PLGRKT: variants seen among roughly 807,000 people sequenced by gnomAD.
PLGRKT encodes plasminogen receptor (KT).
PLGRKT carries 22 observed loss-of-function variants against 18.5 expected under a neutral mutation model. That is an observed-to-expected ratio of 1.19 (90% CI 0.85 to 1.70). The LOEUF is 1.70. Ranked by LOEUF, PLGRKT falls within the 40% of genes most tolerant of loss-of-function variation. PLGRKT has a pLI of 0.00. For missense variants in PLGRKT, 235 were observed against 174.4 expected (o/e 1.35, Z -1.96); for synonymous variants, 72 against 52.8 (o/e 1.36, Z -1.58).
At chr9:5,430,142 T>C (rs1376320191) in intron 3 of PLGRKT, among the ~76,000 whole-genome samples, 1 of 152,216 alleles carries the variant, frequency 6.6e-6, no homozygotes, top group Non-Finnish European at 1.5e-5. Flanking sequence ...ACGCTCATGC[T>C]GTTTGCTGTG....
At chr9:5,374,736 A>G (rs1451751067) in intron 3 of PLGRKT, among the ~76,000 whole-genome samples, 1 of 152,222 alleles carries the variant, frequency 6.6e-6, no homozygotes, top group Non-Finnish European at 1.5e-5. Context: ...ATTTTAATAT[A>G]AAAACAAAAG....
chr9:5,368,200 T>A, intron 3 of PLGRKT, among the ~76,000 whole-genome samples: 1 of 152,130 alleles, frequency 6.6e-6, no homozygotes, highest in Admixed American at 6.5e-5. Flanking sequence ...TAAAACAGAA[T>A]GACCATTTGA....
At chr9:5,426,877 T>C (rs1818711975) in intron 3 of PLGRKT, among the ~76,000 whole-genome samples, 1 of 152,152 alleles carries the variant, frequency 6.6e-6, no homozygotes, top group Admixed American at 6.6e-5. Flanking sequence ...ACCCAAAGCA[T>C]CCATCCCAGC....
intron 3 of PLGRKT, among the ~76,000 whole-genome samples, chr9:5,372,012 C>T (rs1034486480): frequency 3.7e-5 from 1 of 26,712 alleles, no homozygotes. Flanking sequence ...TATGGAGTCT[C>T]GCTCTGTCTC....
chr9:5,410,308 A>C (rs541675307), intron 3 of PLGRKT, among the ~76,000 whole-genome samples: 1 of 152,158 alleles, frequency 6.6e-6, no homozygotes, highest in African/African-American at 2.4e-5. Context: ...GGCTGAGTCA[A>C]GTGGATCACT....
rs900983538 is a variant in PLGRKT at position 5,436,706 on chromosome 9, T to C, written c.-132-12A>G. 1 of 152,166 alleles carries C rather than the reference T, an allele frequency of 6.6e-6. No individual in the cohort carries two copies. The highest frequency in any genetic ancestry group is 1.5e-5 in the Non-Finnish European group (1 of 68,022). The allele number at this position is 152,166 out of a possible 1,614,324, so 9.4% of individuals were successfully genotyped here. A position where few individuals can be genotyped will look rare whatever the true frequency, so the allele number is the denominator to read the frequency against. On this transcript the variant is annotated splice_polypyrimidine_tract_variant and intron_variant, in intron 1 of 5. Transcript: ENST00000223864. ...ATGGGAAACCACACCTGAGAATAAA[T>C]AAATGCATCACACCTTGTAAATTTC... is the stretch of plus-strand genomic sequence containing the variant.
intron 3 of PLGRKT, among the ~76,000 whole-genome samples, chr9:5,429,270 T>G (rs143280679): frequency 7.2e-5 from 11 of 152,056 alleles, no homozygotes; most frequent in Admixed American, 3.9e-4. Context: ...AATAGAAACA[T>G]AGAAGCCCAG....
At chr9:5,413,527 G>T (rs1482968890) in intron 3 of PLGRKT, among the ~76,000 whole-genome samples, 3 of 152,192 alleles carry the variant, frequency 2.0e-5, no homozygotes, top group South Asian at 2.1e-4. Context: ...GAATTAGAGA[G>T]AAATGAAGAT....
At chr9:5,379,502 G>T (rs958629723) in intron 3 of PLGRKT, among the ~76,000 whole-genome samples, 3 of 150,508 alleles carry the variant, frequency 2.0e-5, no homozygotes, top group African/African-American at 7.3e-5. Flanking sequence ...GAGTGGATAT[G>T]TGTGTGTGTG....
At chr9:5,359,444 AT>A (rs923566372) in intron 5 of PLGRKT, among the ~76,000 whole-genome samples, 14 of 152,096 alleles carry the variant, frequency 9.2e-5, no homozygotes, top group South Asian at 4.2e-4. Flanking sequence ...CAAATGTCTT[AT>A]TTTTTTTACC....
At chr9:5,391,869 T>G (rs1427135549) in intron 3 of PLGRKT, among the ~76,000 whole-genome samples, 1 of 151,918 alleles carries the variant, frequency 6.6e-6, no homozygotes, top group Non-Finnish European at 1.5e-5. Context: ...GCAGGTAATT[T>G]AGACGCACCT....
intron 3 of PLGRKT, among the ~76,000 whole-genome samples, chr9:5,414,397 A>T (rs2131149535): frequency 6.6e-6 from 1 of 152,020 alleles, no homozygotes; most frequent in East Asian, 1.9e-4. Flanking sequence ...CAAATTCCTG[A>T]CTCCAGGTGA....
chr9:5,401,775 G>A (rs1441388599), intron 3 of PLGRKT, among the ~76,000 whole-genome samples: 3 of 151,894 alleles, frequency 2.0e-5, no homozygotes, highest in African/African-American at 7.3e-5. Flanking sequence ...CTTTAAGGTT[G>A]TAATATCTAT....
chr9:5,395,940 C>T (rs1449570767), intron 3 of PLGRKT, among the ~76,000 whole-genome samples: 1 of 144,472 alleles, frequency 6.9e-6, no homozygotes, highest in African/African-American at 2.6e-5. Flanking sequence ...GTTGCCCAGA[C>T]TGGCGTGAGG....
At chr9:5,399,882 T>G (rs1467023668) in intron 3 of PLGRKT, among the ~76,000 whole-genome samples, 1 of 151,420 alleles carries the variant, frequency 6.6e-6, no homozygotes, top group East Asian at 1.9e-4. Context: ...TCCCAGCTAC[T>G]CAGGAAGCTG....
chr9:5,432,567 G>A (rs1044575286), intron 2 of PLGRKT, among the ~76,000 whole-genome samples: 19 of 141,958 alleles, frequency 1.3e-4, no homozygotes, highest in African/African-American at 4.8e-4. Context: ...CCATGATCTC[G>A]GCTCGCTGCA....
intron 3 of PLGRKT, among the ~76,000 whole-genome samples, chr9:5,380,845 A>T (rs988845020): frequency 6.6e-6 from 1 of 152,162 alleles, no homozygotes; most frequent in East Asian, 1.9e-4. Flanking sequence ...CCCAAATCTC[A>T]TCTCAAATTG....
chr9:5,406,720 A>G (rs112559740), intron 3 of PLGRKT, among the ~76,000 whole-genome samples: 325 of 152,234 alleles, frequency 2.1e-3, no homozygotes, highest in African/African-American at 7.4e-3. Flanking sequence ...ACGTTTGCCT[A>G]TGTAACAAAA....
At chr9:5,388,771 G>A (rs1416811161) in intron 3 of PLGRKT, among the ~76,000 whole-genome samples, 1 of 152,012 alleles carries the variant, frequency 6.6e-6, no homozygotes, top group Non-Finnish European at 1.5e-5. Context: ...TAACCTCTCT[G>A]TGCTTCAGTT....
Sources: allele counts gnomAD v4.1 joint callset (sites outside exome capture counted in the v4.1 genomes callset), GRCh38; gene constraint gnomAD v4.1.1; transcripts MANE v1.5; gene names NCBI Gene and HGNC (gene_info 2026-07-23, HGNC 2026-07-21).